Variants in ADGB observed in about 807,000 individuals in gnomAD.
ADGB encodes the protein calpain-7-like protein.
Under a neutral mutation model 210.5 loss-of-function variants are expected in ADGB, and 172 were observed. That is an observed-to-expected ratio of 0.82 (90% CI 0.72 to 0.93). ADGB has a LOEUF of 0.93. Ranked by LOEUF, ADGB falls within the 40% of genes least tolerant of loss-of-function variation. The pLI is 0.00. For synonymous variants in ADGB, 658 were observed against 662.7 expected, an observed-to-expected ratio of 0.99 and a Z score of 0.11; for missense variants, 2,025 against 1,964.8, an observed-to-expected ratio of 1.03 and a Z score of -0.58.
At chr6:146,736,660 C>A in intron 23 of ADGB, 69 bp downstream of exon 23, 2 of 1,082,608 alleles carry the variant, frequency 1.8e-6, no homozygotes, top group Non-Finnish European at 2.7e-6. Context: ...TTGAATACTA[C>A]CATATTTGTT....
chr6:146,622,742 A>C (rs2114844764), intron 1 of ADGB, among the ~76,000 whole-genome samples: 1 of 152,170 alleles, frequency 6.6e-6, no homozygotes. Context: ...AAATCTTAAT[A>C]AATTTTTTAC....
chr6:146,776,713 G>A (rs1777727030), intron 29 of ADGB, among the ~76,000 whole-genome samples: 1 of 152,074 alleles, frequency 6.6e-6, no homozygotes, highest in Non-Finnish European at 1.5e-5. Context: ...GCTTCATGGG[G>A]CAGCTTGAGA....
intron 20 of ADGB, among the ~76,000 whole-genome samples, chr6:146,731,047 G>T (rs888055887): frequency 6.6e-6 from 1 of 152,162 alleles, no homozygotes; most frequent in Non-Finnish European, 1.5e-5. Flanking sequence ...CTAAGGCAAA[G>T]GATGTGGGGG....
At chr6:146,744,414 A>G (rs6570777) in intron 25 of ADGB, among the ~76,000 whole-genome samples, 58 of 152,112 alleles carry the variant, frequency 3.8e-4, no homozygotes, top group African/African-American at 1.4e-3. Context: ...AACACCATGT[A>G]TGCAACTTTT....
At chr6:146,729,553 C>T (rs556677780) in intron 20 of ADGB, among the ~76,000 whole-genome samples, 54 of 152,058 alleles carry the variant, frequency 3.6e-4, no homozygotes, top group South Asian at 1.7e-3. Flanking sequence ...TCCTGTCTTA[C>T]CCTCCCAAGA....
intron 33 of ADGB, among the ~76,000 whole-genome samples, chr6:146,790,688 T>A (rs1777942255): frequency 6.6e-6 from 1 of 152,250 alleles, no homozygotes; most frequent in Non-Finnish European, 1.5e-5. Context: ...TTATTTTAAT[T>A]CCTTTGGATA....
chr6:146,674,237 TA>T (rs1456671158), intron 8 of ADGB, among the ~76,000 whole-genome samples: 2 of 152,116 alleles, frequency 1.3e-5, no homozygotes, highest in East Asian at 3.9e-4. Flanking sequence ...AAATAATGTA[TA>T]AACAACCCTG....
intron 27 of ADGB, among the ~76,000 whole-genome samples, chr6:146,756,187 G>T (rs955148459): frequency 4.6e-5 from 7 of 152,098 alleles, no homozygotes; most frequent in African/African-American, 1.7e-4. Context: ...TCCAGGAACT[G>T]CTCCTAGCTA....
chr6:146,613,960 G>T (rs901667677), intron 1 of ADGB, among the ~76,000 whole-genome samples: 1 of 151,822 alleles, frequency 6.6e-6, no homozygotes, highest in Non-Finnish European at 1.5e-5. Context: ...CGCAACTCCA[G>T]ATTATGTAGG....
chr6:146,740,348 A>T, intron 23 of ADGB, 111 bp from the exon 24 acceptor site: 1 of 994,228 alleles, frequency 1.0e-6, no homozygotes, highest in Non-Finnish European at 1.4e-6. Context: ...CAATCTAGCC[A>T]ACAATGACTT....
chr6:146,611,484 CTT>C (rs1161448477), intron 1 of ADGB, among the ~76,000 whole-genome samples: 1 of 152,174 alleles, frequency 6.6e-6, no homozygotes, highest in African/African-American at 2.4e-5. Context: ...GCTCAAATGT[CTT>C]TGGGCATCGT....
chr6:146,785,806 G>A (rs967994725), intron 32 of ADGB, 94 bp downstream of exon 32: 45 of 914,614 alleles, frequency 4.9e-5, no homozygotes, highest in Non-Finnish European at 6.2e-5. Flanking sequence ...TTGGTGAAAA[G>A]GAGACATTTC....
intron 23 of ADGB, among the ~76,000 whole-genome samples, chr6:146,738,622 G>A (rs1241925537): frequency 6.6e-6 from 1 of 151,516 alleles, no homozygotes. Context: ...CTAATTTTTT[G>A]TATTTTTAGT....
chr6:146,808,464 A>C (rs1778246949), intron 35 of ADGB, among the ~76,000 whole-genome samples: 1 of 152,124 alleles, frequency 6.6e-6, no homozygotes, highest in South Asian at 2.1e-4. Context: ...TTTCATGCTC[A>C]CCAGTGTTGT....
intron 25 of ADGB, among the ~76,000 whole-genome samples, chr6:146,741,501 T>C (rs1273927470): frequency 6.6e-6 from 1 of 152,124 alleles, no homozygotes; most frequent in Non-Finnish European, 1.5e-5. Flanking sequence ...CGAAAGAAAA[T>C]ATGACAAAAA....
chr6:146,600,926 GCACACA>G (rs35082520), intron 1 of ADGB, among the ~76,000 whole-genome samples: 66,994 of 144,414 alleles, frequency 0.46, 17,072 homozygotes, highest in Non-Finnish European at 0.57. Context: ...TCCCCCATGC[GCACACA>G]CACACACACA....
intron 26 of ADGB, among the ~76,000 whole-genome samples, chr6:146,746,465 T>C (rs907991614): frequency 6.6e-6 from 1 of 152,220 alleles, no homozygotes; most frequent in Non-Finnish European, 1.5e-5. Context: ...TGTTCATCTA[T>C]GTGCAGTGTT....
intron 1 of ADGB, among the ~76,000 whole-genome samples, chr6:146,631,321 C>G (rs1781061193): frequency 6.6e-6 from 1 of 152,134 alleles, no homozygotes. Context: ...GTTCCTGACT[C>G]CTTTCATTTT....
intron 26 of ADGB, among the ~76,000 whole-genome samples, chr6:146,747,952 TTTG>T (rs1777266069): frequency 6.6e-6 from 1 of 151,394 alleles, no homozygotes; most frequent in Non-Finnish European, 1.5e-5. Flanking sequence ...CTAGTTAATT[TTTG>T]TATTTTTTGT....
Sources: allele counts gnomAD v4.1 joint callset (sites outside exome capture counted in the v4.1 genomes callset), GRCh38; gene constraint gnomAD v4.1.1; transcripts MANE v1.5; gene names NCBI Gene and HGNC (gene_info 2026-07-23, HGNC 2026-07-21).